ASTN2: variants seen among roughly 807,000 people sequenced by gnomAD.
ASTN2 encodes astrotactin-2.
Under a neutral mutation model 139.8 loss-of-function variants are expected in ASTN2, and 54 were observed. That is an observed-to-expected ratio of 0.39 (90% confidence interval 0.31 to 0.48). The LOEUF is 0.48. Ranked by LOEUF, ASTN2 falls within the 20% of genes least tolerant of loss-of-function variation. The probability of loss-of-function intolerance (pLI) is 0.95; values close to 1 mark genes in which losing one functional copy is unlikely to be tolerated. For missense variants in ASTN2, 1,565 were observed against 1,725.1 expected, an observed-to-expected ratio of 0.91 and a Z score of 1.64; for synonymous variants, 756 against 719.5, an observed-to-expected ratio of 1.05 and a Z score of -0.81.
At position 117,008,138 on chromosome 9, in the gene ASTN2, T is replaced by C; in HGVS notation, c.1545A>G (p.Gly515=). The change falls in exon 7 of 23, where the codon GGA becomes GGG. Residue 515 remains glycine (G), a synonymous_variant. Transcript: ENST00000313400. ...ATSPWVRDLC[G]QRTTDACEQL... ...GCTCACAGGCATCTGTCGTCCTTTG[T>C]CCACAGAGGTCCCTCACCCATGGGG... The C allele has an allele frequency of 6.2e-7, 1 of 1,610,502 alleles. No homozygotes were observed. Among genetic ancestry groups the C allele is most frequent in the Non-Finnish European group, 8.5e-7 (1 of 1,178,328 alleles).
chr9:117,250,123 C>T (rs1427608831), intron 2 of ASTN2, among the ~76,000 whole-genome samples: 1 of 152,188 alleles, frequency 6.6e-6, no homozygotes, highest in Non-Finnish European at 1.5e-5. Context: ...AATTTCATTT[C>T]ATTTCAACAC....
At chr9:117,150,141 A>G (rs1564450609) in intron 3 of ASTN2, among the ~76,000 whole-genome samples, 1 of 152,192 alleles carries the variant, frequency 6.6e-6, no homozygotes, top group Non-Finnish European at 1.5e-5. Context: ...TGTTAAAAAC[A>G]CAATACCTTC....
chr9:117,080,333 T>C (rs1233720506), intron 5 of ASTN2, among the ~76,000 whole-genome samples: 1 of 152,224 alleles, frequency 6.6e-6, no homozygotes, highest in Non-Finnish European at 1.5e-5. Context: ...CTCAAGTGGA[T>C]GCATCATCAT....
chr9:117,054,519 A>G (rs760101242), intron 5 of ASTN2, among the ~76,000 whole-genome samples: 1 of 152,228 alleles, frequency 6.6e-6, no homozygotes. Context: ...GGTAGCAGAG[A>G]TCAGTGCAGA....
intron 19 of ASTN2, among the ~76,000 whole-genome samples, chr9:116,550,102 C>T (rs954255638): frequency 1.3e-5 from 2 of 152,204 alleles, no homozygotes; most frequent in African/African-American, 4.8e-5. Context: ...ATCATTCTCT[C>T]TCTTCTACAA....
intron 13 of ASTN2, among the ~76,000 whole-genome samples, chr9:116,786,478 T>G (rs1830381273): frequency 1.3e-5 from 2 of 151,886 alleles, no homozygotes; most frequent in Admixed American, 1.3e-4. Context: ...GATACAATAG[T>G]GTCTGGTGCA....
At chr9:116,554,459 G>A (rs181651999) in intron 19 of ASTN2, among the ~76,000 whole-genome samples, 2 of 152,280 alleles carry the variant, frequency 1.3e-5, no homozygotes, top group South Asian at 2.1e-4. Context: ...TGGTATTTAC[G>A]AAAGTGTGGA....
intron 6 of ASTN2, among the ~76,000 whole-genome samples, chr9:117,014,842 C>T (rs2132599956): frequency 6.6e-6 from 1 of 152,200 alleles, no homozygotes; most frequent in South Asian, 2.1e-4. Flanking sequence ...ATCTACAAGC[C>T]AAGGAGAGAG....
intron 4 of ASTN2, among the ~76,000 whole-genome samples, chr9:117,122,380 C>G (rs1352816143): frequency 6.6e-6 from 1 of 151,974 alleles, no homozygotes; most frequent in African/African-American, 2.4e-5. Context: ...AGCAGATGGC[C>G]CAGGTCCCAT....
intron 5 of ASTN2, among the ~76,000 whole-genome samples, chr9:117,076,858 AT>A (rs1233415104): frequency 1.3e-5 from 2 of 152,020 alleles, no homozygotes; most frequent in South Asian, 2.1e-4. Flanking sequence ...CTGCCTCTAT[AT>A]TTTTTTCCTT....
rs187755209 is a variant in ASTN2, at chr9:116,915,707, C to G, written c.1890-51974G>C. ...CCATGTGCCTGGAGGGTGGTGCACC[C>G]CAATTGCATGGGGACAGAAGCTCCT... On this transcript the variant is annotated intron_variant, in intron 10 of 22. Transcript: ENST00000313400. 1.6e-4 allele frequency among the ~76,000 whole-genome samples: 25 copies of G among 152,246 alleles called. No homozygotes were observed. The East Asian group carries it at 4.4e-3, about 27-fold the overall frequency.
intron 10 of ASTN2, among the ~76,000 whole-genome samples, chr9:116,913,354 C>G (rs1036004891): frequency 1.3e-5 from 2 of 152,206 alleles, no homozygotes; most frequent in Non-Finnish European, 2.9e-5. Context: ...CTCTCTCAGC[C>G]TCAACCCCCA....
intron 10 of ASTN2, 116 bp from the exon 11 acceptor site, chr9:116,863,849 A>G (rs1588364750): frequency 1.8e-6 from 2 of 1,103,574 alleles, no homozygotes; most frequent in East Asian, 5.2e-5. Flanking sequence ...CAGGAAAACA[A>G]TAATAATCAA....
chr9:116,942,115 C>CACACACACACCA lies in ASTN2; in HGVS notation c.1889+33092_1889+33093insTGGTGTGTGTGT, dbSNP rs72437627. On this transcript the variant is annotated intron_variant, in intron 10 of 22. Transcript: ENST00000313400. Reference sequence around the variant, plus strand: ...GCACACACACACACACACACACACACCACACACACACACACAATGTGGTCC... The same window carrying CACACACACACCA: ...GCACACACACACACACACACACACACACACACACACCACACACACACACACACAATGTGGTCC... 1.7e-4 allele frequency among the ~76,000 whole-genome samples: 16 copies of CACACACACACCA among 94,326 alleles called. 1 individual carries two copies. Among genetic ancestry groups the CACACACACACCA allele is most frequent in the Non-Finnish European group, 3.1e-4 (15 of 48,824 alleles). The allele number at this position is 94,326 out of a possible 152,430, so 61.9% of individuals were successfully genotyped here. A position where few individuals can be genotyped will look rare whatever the true frequency, so the allele number is the denominator to read the frequency against.
intron 16 of ASTN2, among the ~76,000 whole-genome samples, chr9:116,695,923 CTT>C (rs1177027604): frequency 6.6e-6 from 1 of 152,166 alleles, no homozygotes; most frequent in Non-Finnish European, 1.5e-5. Flanking sequence ...AGGCTTGAGT[CTT>C]TGGCTATCTC....
chr9:117,194,727 G>A (rs1012800404), intron 3 of ASTN2, among the ~76,000 whole-genome samples: 2 of 152,108 alleles, frequency 1.3e-5, no homozygotes, highest in African/African-American at 4.8e-5. Context: ...CTTGGACTTG[G>A]GTATCAGATA....
At chr9:116,555,091 T>C (rs896177890) in intron 19 of ASTN2, among the ~76,000 whole-genome samples, 3 of 152,224 alleles carry the variant, frequency 2.0e-5, no homozygotes, top group African/African-American at 7.2e-5. Flanking sequence ...TATAAAGTGA[T>C]ACCCAGATAT....
intron 19 of ASTN2, among the ~76,000 whole-genome samples, chr9:116,559,186 A>G (rs1852785490): frequency 6.6e-6 from 1 of 152,208 alleles, no homozygotes. Flanking sequence ...TGTTGCAATC[A>G]GAAAGACCCT....
chr9:117,255,412 A>C (rs1162979404), intron 2 of ASTN2, among the ~76,000 whole-genome samples: 1 of 152,216 alleles, frequency 6.6e-6, no homozygotes, highest in Non-Finnish European at 1.5e-5. Context: ...TTCCCTTGGG[A>C]GATTATTTGT....
Sources: allele counts gnomAD v4.1 joint callset (sites outside exome capture counted in the v4.1 genomes callset), GRCh38; gene constraint gnomAD v4.1.1; transcripts MANE v1.5; gene names NCBI Gene and HGNC (gene_info 2026-07-23, HGNC 2026-07-21).